Variants in ATF7IP observed in about 807,000 individuals in gnomAD.
ATF7IP encodes activating transcription factor 7-interacting protein 1.
Under a neutral mutation model 106.4 loss-of-function variants are expected in ATF7IP, and 23 were observed. The ratio of observed to expected loss-of-function variants is 0.22; its 90% CI spans 0.16 to 0.31. ATF7IP has a LOEUF of 0.31. Among genes scored for constraint, ATF7IP ranks in the 10% least tolerant of loss-of-function variants. The pLI is 1.00. For missense variants in ATF7IP, 1,334 were observed against 1,524.3 expected, an observed-to-expected ratio of 0.88 and a Z score of 2.08; for synonymous variants, 542 against 539.0, an observed-to-expected ratio of 1.01 and a Z score of -0.08.
chr12:14,456,720 A>C (rs1359474458), intron 7 of ATF7IP, 86 bp downstream of exon 7: 14 of 938,796 alleles, frequency 1.5e-5, no homozygotes, highest in Middle Eastern at 4.3e-4. Context: ...CAGTGTAATC[A>C]TGGTATTTAT....
chr12:14,376,513 G>C (rs1376886098), intron 1 of ATF7IP, among the ~76,000 whole-genome samples: 1 of 152,180 alleles, frequency 6.6e-6, no homozygotes, highest in Non-Finnish European at 1.5e-5. Flanking sequence ...TGATAGGAAG[G>C]TAAGAGTTAA....
intron 10 of ATF7IP, among the ~76,000 whole-genome samples, chr12:14,470,276 CT>C (rs1039151039): frequency 1.3e-5 from 2 of 152,168 alleles, no homozygotes; most frequent in African/African-American, 4.8e-5. Context: ...TATGTTTGCT[CT>C]CTTGAAATTT....
chr12:14,442,840 A>G (rs565587276), intron 5 of ATF7IP, among the ~76,000 whole-genome samples: 6 of 152,248 alleles, frequency 3.9e-5, no homozygotes, highest in Non-Finnish European at 8.8e-5. Flanking sequence ...CCTTGTACCA[A>G]TGAAATCTGT....
At chr12:14,437,991 T>A in intron 4 of ATF7IP, 139 bp from the exon 5 acceptor site, 5 of 668,996 alleles carry the variant, frequency 7.5e-6, no homozygotes, top group Non-Finnish European at 1.2e-5. Context: ...AGGCGGAGCT[T>A]GCAGTGAGCC....
At chr12:14,402,045 A>G (rs1320476499) in intron 1 of ATF7IP, among the ~76,000 whole-genome samples, 4 of 151,416 alleles carry the variant, frequency 2.6e-5, no homozygotes, top group African/African-American at 9.7e-5. Context: ...TCATGCTACA[A>G]AATATCTAGG....
At chr12:14,407,559 A>G (rs1287329529) in intron 1 of ATF7IP, among the ~76,000 whole-genome samples, 2 of 152,258 alleles carry the variant, frequency 1.3e-5, no homozygotes, top group East Asian at 3.9e-4. Flanking sequence ...ATTAAGCATT[A>G]TTAGGCTGGA....
At chr12:14,492,671 A>T (rs1466844056) in intron 13 of ATF7IP, among the ~76,000 whole-genome samples, 1 of 152,238 alleles carries the variant, frequency 6.6e-6, no homozygotes, top group Non-Finnish European at 1.5e-5. Context: ...CCAGAGATCT[A>T]TACAAGTCAG....
chr12:14,383,786 T>C (rs1376165055), intron 1 of ATF7IP, among the ~76,000 whole-genome samples: 2 of 152,192 alleles, frequency 1.3e-5, no homozygotes, highest in African/African-American at 4.8e-5. Flanking sequence ...GGTCTCAAAC[T>C]CCTGGCTTCA....
In ATF7IP at chr12:14,478,173, T is replaced by G. The variant is rs1944317437; in HGVS notation, c.2942-144T>G. The G allele has an allele frequency of 4.0e-6, 3 of 755,122 alleles. No individual in the cohort carries two copies. The East Asian group carries it at 8.0e-5, about 20-fold the overall frequency. The allele number at this position is 755,122 out of a possible 1,614,324, so 46.8% of individuals were successfully genotyped here. A position where few individuals can be genotyped will look rare whatever the true frequency, so the allele number is the denominator to read the frequency against. On this transcript the variant is annotated intron_variant, in intron 11 of 14. Transcript: ENST00000261168. ...GTTTTCAAATCAGCAAAAATACACG[T>G]AAGTAAAATGGAAATAAATTATTCT... is the stretch of plus-strand genomic sequence containing the variant.
chr12:14,481,286 TATA>T (rs1303369751), intron 13 of ATF7IP, 101 bp downstream of exon 13: 2 of 1,012,866 alleles, frequency 2.0e-6, no homozygotes, highest in Middle Eastern at 3.1e-4. Flanking sequence ...AAAAATTTCT[TATA>T]ATGTCATATT....
intron 13 of ATF7IP, among the ~76,000 whole-genome samples, chr12:14,487,481 GC>G (rs990124389): frequency 2.0e-5 from 3 of 152,274 alleles, no homozygotes; most frequent in African/African-American, 7.2e-5. Flanking sequence ...CATCACTGTT[GC>G]CTCACATATC....
intron 5 of ATF7IP, among the ~76,000 whole-genome samples, chr12:14,439,393 CCTAT>C (rs1320664267): frequency 5.3e-5 from 8 of 152,248 alleles, no homozygotes; most frequent in East Asian, 3.9e-4. Flanking sequence ...CCCAGACTGA[CCTAT>C]CTAATTATTA....
At chr12:14,492,964 A>G (rs532436593) in intron 13 of ATF7IP, among the ~76,000 whole-genome samples, 2 of 152,304 alleles carry the variant, frequency 1.3e-5, no homozygotes, top group East Asian at 3.9e-4. Flanking sequence ...AGCTGGGATG[A>G]CTAGCTCTAA....
chr12:14,397,894 G>T (rs1939942422), intron 1 of ATF7IP, among the ~76,000 whole-genome samples: 1 of 152,000 alleles, frequency 6.6e-6, no homozygotes, highest in Non-Finnish European at 1.5e-5. Flanking sequence ...TTGTTCTACA[G>T]TTTAACTTTG....
chr12:14,494,481 C>T (rs1944946527), intron 13 of ATF7IP, among the ~76,000 whole-genome samples: 1 of 141,706 alleles, frequency 7.1e-6, no homozygotes, highest in Non-Finnish European at 1.5e-5. Context: ...ATATATACTA[C>T]ATATAAACTA....
intron 1 of ATF7IP, among the ~76,000 whole-genome samples, chr12:14,422,358 A>C (rs920677394): frequency 7.8e-6 from 1 of 128,688 alleles, no homozygotes; most frequent in African/African-American, 2.9e-5. Flanking sequence ...CACACACACA[A>C]CCTTTGTATT....
chr12:14,446,112 C>T (rs1426014192), intron 5 of ATF7IP, among the ~76,000 whole-genome samples: 2 of 151,244 alleles, frequency 1.3e-5, no homozygotes, highest in Non-Finnish European at 2.9e-5. Context: ...TCTCACTGAC[C>T]ATGTTGACAC....
At chr12:14,419,293 A>G (rs1237440093) in intron 1 of ATF7IP, 2 of 152,186 alleles carry the variant, frequency 1.3e-5, no homozygotes, top group Non-Finnish European at 2.9e-5. Flanking sequence ...TCTACAGTCT[A>G]CAGAGTTCAT....
chr12:14,369,504 C>T (rs1938447291), intron 1 of ATF7IP, among the ~76,000 whole-genome samples: 1 of 152,218 alleles, frequency 6.6e-6, no homozygotes, highest in Admixed American at 6.5e-5. Flanking sequence ...CGTGCACCAC[C>T]ATGCCCTGCT....
Sources: allele counts gnomAD v4.1 joint callset (sites outside exome capture counted in the v4.1 genomes callset), GRCh38; gene constraint gnomAD v4.1.1; transcripts MANE v1.5; gene names NCBI Gene and HGNC (gene_info 2026-07-23, HGNC 2026-07-21).